CTNND2: variants seen among roughly 807,000 people sequenced by gnomAD.
CTNND2 encodes the protein catenin delta-2.
In CTNND2, 22 loss-of-function variants were observed where a neutral mutation model predicts 144.4. The observed-to-expected ratio is 0.15, with a 90% CI of 0.11 to 0.22. The LOEUF (loss-of-function observed/expected upper bound fraction) is 0.22, where lower values mean the gene tolerates loss of function less well. Among genes scored for constraint, CTNND2 ranks in the 10% least tolerant of loss-of-function variants. CTNND2 has a pLI of 1.00. For synonymous variants in CTNND2, 751 were observed against 695.6 expected (o/e 1.08, Z -1.25); for missense variants, 1,353 against 1,618.8 (o/e 0.84, Z 2.82).
intron 2 of CTNND2, among the ~76,000 whole-genome samples, chr5:11,632,971 A>G (rs2126473915): frequency 6.6e-6 from 1 of 152,258 alleles, no homozygotes; most frequent in South Asian, 2.1e-4. Context: ...ACAGAAGAAA[A>G]TAAATTGAAC....
intron 2 of CTNND2, chr5:11,588,975 C>G (rs1036269564): frequency 2.0e-6 from 2 of 985,194 alleles, no homozygotes; most frequent in Middle Eastern, 5.2e-4. Flanking sequence ...AAAGTCAGGA[C>G]GCTGAATTAT....
intron 2 of CTNND2, among the ~76,000 whole-genome samples, chr5:11,639,116 G>C (rs1781860919): frequency 6.6e-6 from 1 of 152,024 alleles, no homozygotes; most frequent in African/African-American, 2.4e-5. Flanking sequence ...AGACATTTGA[G>C]TTTGTTACAA....
chr5:11,553,938 T>C (rs17818955), intron 3 of CTNND2, among the ~76,000 whole-genome samples: 1,530 of 152,204 alleles, frequency 0.01, 10 homozygotes, highest in Non-Finnish European at 0.015. Flanking sequence ...CACTTCAAAA[T>C]TGATATAAAA....
intron 1 of CTNND2, among the ~76,000 whole-genome samples, chr5:11,765,932 TTA>T (rs1213791194): frequency 6.6e-6 from 1 of 152,236 alleles, no homozygotes; most frequent in African/African-American, 2.4e-5. Context: ...GTATTATTTC[TTA>T]ATAACTAGAG....
intron 15 of CTNND2, chr5:11,083,861 AC>A: frequency 9.2e-7 from 1 of 1,089,240 alleles, no homozygotes; most frequent in South Asian, 2.1e-5. Context: ...GGGGGCAGGC[AC>A]CCCAGAGCTG....
chr5:11,720,256 T>C (rs967664510), intron 2 of CTNND2, among the ~76,000 whole-genome samples: 2 of 152,198 alleles, frequency 1.3e-5, no homozygotes, highest in African/African-American at 4.8e-5. Context: ...GAGGCAGATC[T>C]GCAGTGAAAC....
intron 11 of CTNND2, among the ~76,000 whole-genome samples, chr5:11,168,396 G>C (rs984809015): frequency 6.6e-6 from 1 of 152,128 alleles, no homozygotes; most frequent in Non-Finnish European, 1.5e-5. Context: ...GTCAGTGTTT[G>C]GTAGTGGCCA....
chr5:11,810,744 A>C (rs62337738), intron 1 of CTNND2, among the ~76,000 whole-genome samples: 8 of 152,222 alleles, frequency 5.3e-5, no homozygotes, highest in Non-Finnish European at 1.0e-4. Context: ...CTATTGATTA[A>C]AATGAGAAGC....
chr5:11,366,840 G>C (rs1239523444), intron 7 of CTNND2, among the ~76,000 whole-genome samples: 1 of 152,102 alleles, frequency 6.6e-6, no homozygotes, highest in Non-Finnish European at 1.5e-5. Context: ...CTTTTAAGTG[G>C]TAACATGGTC....
intron 10 of CTNND2, among the ~76,000 whole-genome samples, chr5:11,210,445 C>G (rs757982381): frequency 1.3e-5 from 2 of 152,124 alleles, no homozygotes; most frequent in Non-Finnish European, 2.9e-5. Context: ...AGATCTAAGA[C>G]TGACTGATAA....
chr5:11,476,043 T>TC (rs1767709808), intron 3 of CTNND2, among the ~76,000 whole-genome samples: 1 of 151,386 alleles, frequency 6.6e-6, no homozygotes, highest in Non-Finnish European at 1.5e-5. Flanking sequence ...TATTTTTTTT[T>TC]TTTTTTTTGT....
chr5:11,443,982 C>T (rs1245795873), intron 3 of CTNND2, among the ~76,000 whole-genome samples: 1 of 152,208 alleles, frequency 6.6e-6, no homozygotes, highest in African/African-American at 2.4e-5. Flanking sequence ...TTTCTTTGTA[C>T]ATATGGATGA....
rs370848655 is a variant in CTNND2 at position 10,997,323 on chromosome 5, G to T, written c.3085-4646C>A. Among the ~76,000 whole-genome samples, 46 of 152,320 alleles carry T rather than the reference G, an allele frequency of 3.0e-4. No individual in the cohort carries two copies. In the East Asian group the frequency reaches 7.7e-3, roughly 26 times the overall value. ...AAACATTTTTTTTAGGCCAGGAGCG[G>T]TGGCTCACGCCTGTAATCCCAGCAC... is the stretch of plus-strand genomic sequence containing the variant. On this transcript the variant is annotated intron_variant, in intron 18 of 21. Transcript: ENST00000304623.
At chr5:11,688,097 T>A (rs1199216754) in intron 2 of CTNND2, among the ~76,000 whole-genome samples, 2 of 152,132 alleles carry the variant, frequency 1.3e-5, no homozygotes, top group African/African-American at 4.8e-5. Context: ...TTGGGGGCCA[T>A]TTGAAGGGTA....
At chr5:11,421,614 T>C (rs1762372375) in intron 3 of CTNND2, among the ~76,000 whole-genome samples, 1 of 151,852 alleles carries the variant, frequency 6.6e-6, no homozygotes, top group Non-Finnish European at 1.5e-5. Flanking sequence ...TATGGGGAAA[T>C]GGGAACAGTG....
chr5:11,655,533 C>T (rs1354099471), intron 2 of CTNND2, among the ~76,000 whole-genome samples: 2 of 152,024 alleles, frequency 1.3e-5, no homozygotes, highest in African/African-American at 4.8e-5. Context: ...TTATTCTTGT[C>T]ATGATCAATC....
At chr5:11,760,951 G>A (rs1789227492) in intron 1 of CTNND2, among the ~76,000 whole-genome samples, 1 of 152,114 alleles carries the variant, frequency 6.6e-6, no homozygotes. Flanking sequence ...TATTCTGCCT[G>A]TTATGTGATT....
intron 16 of CTNND2, among the ~76,000 whole-genome samples, chr5:11,036,219 A>T (rs1204575884): frequency 2.6e-5 from 4 of 152,110 alleles, no homozygotes; most frequent in Admixed American, 6.5e-5. Context: ...TTAAATTAAT[A>T]TTTAGCAAAA....
chr5:11,115,106 C>T (rs79235912), intron 13 of CTNND2, among the ~76,000 whole-genome samples: 1 of 152,330 alleles, frequency 6.6e-6, no homozygotes, highest in East Asian at 1.9e-4. Context: ...TCTTCTTACT[C>T]CACCAGGGAT....
Sources: allele counts gnomAD v4.1 joint callset (sites outside exome capture counted in the v4.1 genomes callset), GRCh38; gene constraint gnomAD v4.1.1; transcripts MANE v1.5; gene names NCBI Gene and HGNC (gene_info 2026-07-23, HGNC 2026-07-21).